Variants in MLYCD observed in about 807,000 individuals in gnomAD.
MLYCD encodes malonyl-CoA decarboxylase, mitochondrial.
In MLYCD, 27 loss-of-function variants were observed where a neutral mutation model predicts 35.8. The ratio of observed to expected loss-of-function variants is 0.75; its 90% confidence interval spans 0.56 to 1.04. The LOEUF is 1.04. MLYCD is among the 50% of genes least tolerant of loss of function. The probability of loss-of-function intolerance (pLI) is 0.00; values close to 1 mark genes in which losing one functional copy is unlikely to be tolerated. For missense variants in MLYCD, 917 were observed against 665.1 expected, an observed-to-expected ratio of 1.38 and a Z score of -4.17; for synonymous variants, 403 against 302.4, an observed-to-expected ratio of 1.33 and a Z score of -3.45.
At chr16:83,908,386 TTTTA>T in intron 3 of MLYCD, 104 bp downstream of exon 3, 12 of 1,413,574 alleles carry the variant, frequency 8.5e-6, no homozygotes, top group African/African-American at 1.5e-5. Flanking sequence ...TTTTTTTTTT[TTTTA>T]AATAAATGGT....
In MLYCD at chr16:83,918,059, C is replaced by G. The variant is rs866955308; in HGVS notation, c.*2570C>G. ...AGGAACTAGCACGCCTGAGGTAGGT[C>G]TCGGAATAGTGTTCAAATCCATTTT... On this transcript the variant is annotated 3_prime_UTR_variant, in exon 5 of 5. Coordinates refer to ENST00000262430, the MANE Select transcript of MLYCD (RefSeq NM_012213.3). 2 of 152,232 alleles carry G rather than the reference C, an allele frequency of 1.3e-5. No homozygotes were observed. The highest frequency in any genetic ancestry group is 4.8e-5 in the African/African-American group (2 of 41,456). 9.4% of individuals were successfully genotyped at this position (152,232 alleles called of 1,614,324 possible). A position where few individuals can be genotyped will look rare whatever the true frequency, so the allele number is the denominator to read the frequency against.
At position 83,915,528 on chromosome 16, in the gene MLYCD, A is replaced by C. The variant is rs1907351966; in HGVS notation, c.*39A>C. 1.2e-6 allele frequency: 2 copies of C among 1,601,240 alleles called. No homozygotes were observed. The highest frequency in any genetic ancestry group is 1.3e-5 in the African/African-American group (1 of 74,906). On this transcript the variant is annotated 3_prime_UTR_variant, in exon 5 of 5. Coordinates refer to ENST00000262430, the MANE Select transcript of MLYCD (RefSeq NM_012213.3). ...CTAAAGCACAGGGCCCCGGCTAAGA[A>C]AACGATCATTTTCAGGAGGGGCCGG...
chr16:83,910,122 C>A (rs1225839222), intron 3 of MLYCD, among the ~76,000 whole-genome samples: 1 of 151,694 alleles, frequency 6.6e-6, no homozygotes, highest in African/African-American at 2.4e-5. Context: ...GCCTCTGAGA[C>A]AGGCCTGGAA....
intron 1 of MLYCD, among the ~76,000 whole-genome samples, chr16:83,906,592 T>C (rs1906983947): frequency 6.6e-6 from 1 of 152,218 alleles, no homozygotes; most frequent in Non-Finnish European, 1.5e-5. Context: ...ATGAGGACAG[T>C]GCTGTTGACA....
chr16:83,910,545 C>T (rs762578084), intron 3 of MLYCD, among the ~76,000 whole-genome samples: 1 of 151,988 alleles, frequency 6.6e-6, no homozygotes, highest in Non-Finnish European at 1.5e-5. Flanking sequence ...CAAAAATTAG[C>T]CGGGTGTGGT....
At chr16:83,903,531 T>C (rs976468608) in intron 1 of MLYCD, among the ~76,000 whole-genome samples, 1 of 152,166 alleles carries the variant, frequency 6.6e-6, no homozygotes, top group Non-Finnish European at 1.5e-5. Context: ...TAACTTTTCT[T>C]CACATACCAA....
intron 3 of MLYCD, 130 bp downstream of exon 3, chr16:83,908,412 T>G: frequency 3.4e-6 from 4 of 1,169,440 alleles, no homozygotes; most frequent in Non-Finnish European, 4.7e-6. Flanking sequence ...TTGGGCTTTT[T>G]TAAATTGGTT....
At chr16:83,914,438 C>T (rs748403924) in intron 4 of MLYCD, 3 of 201,074 alleles carry the variant, frequency 1.5e-5, no homozygotes, top group Admixed American at 5.4e-5. Flanking sequence ...AAAGACAAGG[C>T]CTGCAGTGAG....
chr16:83,905,896 CAG>C (rs995481909), intron 1 of MLYCD, among the ~76,000 whole-genome samples: 3 of 152,222 alleles, frequency 2.0e-5, no homozygotes, highest in African/African-American at 7.2e-5. Context: ...TGCTCCTGCT[CAG>C]GGCCTTGTGT....
At chr16:83,901,138 G>A (rs151301008) in intron 1 of MLYCD, among the ~76,000 whole-genome samples, 4 of 152,320 alleles carry the variant, frequency 2.6e-5, no homozygotes, top group Non-Finnish European at 2.9e-5. Flanking sequence ...ATCTTTGGCC[G>A]TAAGATTCTC....
chr16:83,915,636 C>T lies in MLYCD; in HGVS notation c.*147C>T. ...CCGCAGCCGGTCCACACTGTGAGGCCAGGCCTCAACTTCCCTCACCCTGGG... is the reference window on the plus strand; with the variant it reads ...CCGCAGCCGGTCCACACTGTGAGGCTAGGCCTCAACTTCCCTCACCCTGGG... On this transcript the variant is annotated 3_prime_UTR_variant, in exon 5 of 5. Coordinates refer to ENST00000262430, the MANE Select transcript of MLYCD (RefSeq NM_012213.3). 3 of 1,517,226 alleles carry T rather than the reference C, an allele frequency of 2.0e-6. No individual in the cohort carries two copies. Among genetic ancestry groups the T allele is most frequent in the Non-Finnish European group, 2.6e-6 (3 of 1,136,456 alleles). 94.0% of individuals were successfully genotyped at this position (1,517,226 alleles called of 1,614,324 possible).
intron 3 of MLYCD, among the ~76,000 whole-genome samples, chr16:83,910,068 T>A (rs1035852134): frequency 6.6e-6 from 1 of 152,170 alleles, no homozygotes; most frequent in Non-Finnish European, 1.5e-5. Context: ...CGTGAGAATG[T>A]GCGTGGGTAC....
At chr16:83,910,707 A>G (rs1003996434) in intron 3 of MLYCD, among the ~76,000 whole-genome samples, 21 of 149,790 alleles carry the variant, frequency 1.4e-4, no homozygotes, top group African/African-American at 4.7e-4. Context: ...AAAAAAAAAA[A>G]GAAAGGAGAT....
At chr16:83,907,167 T>G (rs1907009224) in intron 2 of MLYCD, 68 bp downstream of exon 2, 6 of 1,330,108 alleles carry the variant, frequency 4.5e-6, no homozygotes, top group Non-Finnish European at 6.5e-6. Context: ...TGTTTTATAT[T>G]GGCTAAAAGC....
intron 3 of MLYCD, 70 bp downstream of exon 3, chr16:83,908,352 T>C (rs1164697102): frequency 6.4e-7 from 1 of 1,551,744 alleles, no homozygotes; most frequent in African/African-American, 1.4e-5. Flanking sequence ...TGTTTTGTTT[T>C]GTTTTTACTT....
At chr16:83,908,307 C>A in intron 3 of MLYCD, 25 bp downstream of exon 3, 11 of 1,613,072 alleles carry the variant, frequency 6.8e-6, no homozygotes, top group Non-Finnish European at 8.5e-6. Flanking sequence ...CAATTCGGGA[C>A]AAGATGGGCA....
rs900860737 is a variant in MLYCD at position 83,921,460 on chromosome 16, C to T, written c.*5971C>T. ...GGTGGGTGGGTGGGTGGATGGATGGCGCAGGGTATATGGAAGGAAGATGGA... is the reference window on the plus strand; with the variant it reads ...GGTGGGTGGGTGGGTGGATGGATGGTGCAGGGTATATGGAAGGAAGATGGA... On this transcript the variant is annotated 3_prime_UTR_variant, in exon 5 of 5. Transcript: ENST00000262430. The T allele has an allele frequency of 4.9e-5, 7 of 144,092 alleles. No homozygotes were observed. The highest frequency in any genetic ancestry group is 7.8e-5 in the African/African-American group (3 of 38,560). The allele number at this position is 144,092 out of a possible 1,614,324, so 8.9% of individuals were successfully genotyped here.
At chr16:83,909,128 C>A (rs1216472974) in intron 3 of MLYCD, among the ~76,000 whole-genome samples, 1 of 152,114 alleles carries the variant, frequency 6.6e-6, no homozygotes, top group Non-Finnish European at 1.5e-5. Flanking sequence ...CACTCCGATG[C>A]CCTCTTGGTG....
At position 83,915,477 on chromosome 16, in the gene MLYCD, C is replaced by G. The variant is rs762312941; in HGVS notation, c.1470C>G (p.Asn490Lys). 2 of 1,611,938 alleles carry G rather than the reference C, an allele frequency of 1.2e-6. No homozygotes were observed. The highest frequency in any genetic ancestry group is 1.7e-5 in the Admixed American group (1 of 60,022). The change falls in exon 5 of 5, where the codon AAC (asparagine) becomes AAG (lysine). Residue 490 changes from asparagine (N) to lysine (K), a missense_variant. Coordinates refer to ENST00000262430, the MANE Select transcript of MLYCD (RefSeq NM_012213.3). Reference protein sequence around the residue: ...VLSLVAQFQKNSKL With the variant: ...VLSLVAQFQKKSKL Reference sequence around the variant, plus strand: ...GCCTAGTGGCCCAGTTTCAAAAGAACAGCAAGCTCTGACAGTAAACCTCTC... The same window carrying G: ...GCCTAGTGGCCCAGTTTCAAAAGAAGAGCAAGCTCTGACAGTAAACCTCTC...
Sources: allele counts gnomAD v4.1 joint callset (sites outside exome capture counted in the v4.1 genomes callset), GRCh38; gene constraint gnomAD v4.1.1; transcripts MANE v1.5; gene names NCBI Gene and HGNC (gene_info 2026-07-23, HGNC 2026-07-21).